ABI2: variants seen among roughly 807,000 people sequenced by gnomAD.
The protein encoded by ABI2 is abelson interactor 2.
In ABI2, 25 loss-of-function variants were observed where a neutral mutation model predicts 59.2. The ratio of observed to expected loss-of-function variants is 0.42; its 90% CI spans 0.31 to 0.59. The LOEUF (loss-of-function observed/expected upper bound fraction) is 0.59, where lower values mean the gene tolerates loss of function less well. Among genes scored for constraint, ABI2 ranks in the 20% least tolerant of loss-of-function variants. The pLI is 0.14. For missense variants in ABI2, 545 were observed against 681.8 expected (o/e 0.80, Z 2.23); for synonymous variants, 213 against 235.5 (o/e 0.90, Z 0.87).
chr2:203,367,097 A>C, intron 2 of ABI2, 53 bp downstream of exon 2: 1 of 1,537,904 alleles, frequency 6.5e-7, no homozygotes. Context: ...AATAATAAAC[A>C]CAGGCTATCT....
At position 203,402,715 on chromosome 2, in the gene ABI2, T is replaced by A. The variant is rs759751504; in HGVS notation, c.1173T>A (p.Pro391=). ...TSLQNQMNGG[P]FYSQNPVSLA... ...TTCAGAATCAGATGAATGGAGGACCTTTTTATAGCCAGAATCCAGGTTAGT... is the reference window on the plus strand; with the variant it reads ...TTCAGAATCAGATGAATGGAGGACCATTTTATAGCCAGAATCCAGGTTAGT... Residue 391 remains proline, a synonymous_variant, in exon 9 of 12, where the codon CCT becomes CCA. Coordinates refer to ENST00000261018, the MANE Select transcript of ABI2 (RefSeq NM_001375670.1). 6.3e-7 allele frequency: 1 copy of A among 1,593,552 alleles called. No homozygotes were observed. Among genetic ancestry groups the A allele is most frequent in the Admixed American group, 1.8e-5 (1 of 54,748 alleles).
chr2:203,387,240 G>C (rs1162118874), intron 4 of ABI2, among the ~76,000 whole-genome samples: 2 of 152,132 alleles, frequency 1.3e-5, no homozygotes, highest in South Asian at 2.1e-4. Flanking sequence ...CTATGAATTA[G>C]AGATACTTGG....
intron 8 of ABI2, 100 bp downstream of exon 8, chr2:203,397,067 G>C (rs907856941): frequency 1.6e-6 from 2 of 1,263,722 alleles, no homozygotes; most frequent in African/African-American, 3.1e-5. Context: ...GTTGTACTTC[G>C]TATTAAAAAA....
intron 1 of ABI2, among the ~76,000 whole-genome samples, chr2:203,352,131 C>T (rs1240948540): frequency 6.6e-6 from 1 of 152,166 alleles, no homozygotes; most frequent in East Asian, 1.9e-4. Flanking sequence ...CACTGTGGTA[C>T]TGGCATACAG....
At chr2:203,347,509 A>G (rs947025770) in intron 1 of ABI2, among the ~76,000 whole-genome samples, 1 of 152,216 alleles carries the variant, frequency 6.6e-6, no homozygotes, top group Non-Finnish European at 1.5e-5. Flanking sequence ...CACCCAAGGA[A>G]AATGTGCAGT....
rs762846357 is a variant in ABI2, at chr2:203,416,993, C to T, written c.1365C>T (p.Tyr455=). 1.9e-5 allele frequency: 30 copies of T among 1,613,924 alleles called. No homozygotes were observed. Among genetic ancestry groups the T allele is most frequent in the Admixed American group, 5.0e-5 (3 of 59,996 alleles). Reference sequence around the variant, plus strand: ...CACCTCCTCCTCCTCCAGAAGATTACGAAGAGGAGGAAGCTGCTGTGGTTG... The same window carrying T: ...CACCTCCTCCTCCTCCAGAAGATTATGAAGAGGAGGAAGCTGCTGTGGTTG... ...SPPPPPPPED[Y]EEEEAAVVEY... The change falls in exon 11 of 12, where the codon TAC becomes TAT. Residue 455 remains tyrosine, a synonymous_variant. Transcript: ENST00000261018.
At position 203,431,044 on chromosome 2, in the gene ABI2, G is replaced by C. The variant is rs2098479590; in HGVS notation, c.*3692G>C. The C allele has an allele frequency of 6.6e-6, 1 of 152,182 alleles. No homozygotes were observed. The highest frequency in any genetic ancestry group is 1.5e-5 in the Non-Finnish European group (1 of 68,028). The allele number at this position is 152,182 out of a possible 1,614,324, so 9.4% of individuals were successfully genotyped here. ...TCACCTTTGCCTTTGAAAAAGGTTT[G>C]ATGGAGGAATTCACAGGTGACTGAC... On this transcript the variant is annotated 3_prime_UTR_variant, in exon 12 of 12. Coordinates refer to ENST00000261018, the MANE Select transcript of ABI2 (RefSeq NM_001375670.1).
At chr2:203,354,604 G>C (rs2090896227) in intron 1 of ABI2, among the ~76,000 whole-genome samples, 1 of 152,094 alleles carries the variant, frequency 6.6e-6, no homozygotes, top group South Asian at 2.1e-4. Flanking sequence ...GAGACTTCTG[G>C]GTCAAAGGCG....
chr2:203,396,738 A>C (rs934836476), intron 7 of ABI2, 47 bp from the exon 8 acceptor site: 4 of 1,471,276 alleles, frequency 2.7e-6, no homozygotes, highest in East Asian at 2.6e-5. Context: ...ATCCTGCCTC[A>C]TGTGATTGCC....
chr2:203,350,661 T>C (rs1053273620), intron 1 of ABI2, among the ~76,000 whole-genome samples: 5 of 151,492 alleles, frequency 3.3e-5, no homozygotes, highest in Non-Finnish European at 4.4e-5. Context: ...TGTCTCAGCC[T>C]CCCAAGTAGC....
In ABI2 at chr2:203,411,334, A is replaced by G; in HGVS notation, c.1242A>G (p.Leu414=). 6.2e-7 allele frequency: 1 copy of G among 1,613,610 alleles called. No individual in the cohort carries two copies. Among genetic ancestry groups the G allele is most frequent in the Non-Finnish European group, 8.5e-7 (1 of 1,179,748 alleles). The change falls in exon 10 of 12, where the codon TTA becomes TTG. Residue 414 remains leucine (L), a synonymous_variant. Transcript: ENST00000261018. The stretch of plus-strand genomic sequence containing the variant: ...CCATCCTACAGGTAACTCCTCAGTT[A>G]CCTTTAATGGGATTTGTGGCCAGAG... ...PPSILQVTPQ[L]PLMGFVARVQ...
chr2:203,424,912 C>T (rs537279726), intron 11 of ABI2, among the ~76,000 whole-genome samples: 4 of 152,000 alleles, frequency 2.6e-5, no homozygotes, highest in African/African-American at 9.7e-5. Flanking sequence ...CACTCTGTTA[C>T]CCAGGCTAGA....
Position 203,368,984 on chromosome 2 carries a change from A to AATT in ABI2, c.285+1940_285+1941insATT, listed in dbSNP as rs1312712237. Among the ~76,000 whole-genome samples, 87 of 91,084 alleles carry AATT rather than the reference A, an allele frequency of 9.6e-4. 33 individuals are homozygous for AATT. The highest frequency in any genetic ancestry group is 2.4e-3 in the African/African-American group (53 of 22,464). 59.8% of individuals were successfully genotyped at this position (91,084 alleles called of 152,430 possible). ...TACAGGCACGTGCCATGCTTGGCTG[A>AATT]TTTTTTTTTTTTTTTTTTTTTTTTT... On this transcript the variant is annotated intron_variant, in intron 2 of 11. Transcript: ENST00000261018.
intron 5 of ABI2, among the ~76,000 whole-genome samples, chr2:203,394,072 T>TTGAA (rs1391925518): frequency 6.6e-6 from 1 of 152,182 alleles, no homozygotes; most frequent in African/African-American, 2.4e-5. Context: ...TTTGTAAATG[T>TTGAA]TGAACTCTGA....
chr2:203,388,881 T>A (rs2096635138), intron 4 of ABI2, among the ~76,000 whole-genome samples: 1 of 152,162 alleles, frequency 6.6e-6, no homozygotes, highest in African/African-American at 2.4e-5. Flanking sequence ...AGCTATCCCA[T>A]GTATAGAATA....
chr2:203,370,133 T>C (rs935809813), intron 2 of ABI2, among the ~76,000 whole-genome samples: 1 of 152,028 alleles, frequency 6.6e-6, no homozygotes, highest in African/African-American at 2.4e-5. Context: ...TTGTGGGCCA[T>C]GTGTTGATAA....
chr2:203,370,584 G>C (rs2095072516), intron 2 of ABI2, among the ~76,000 whole-genome samples: 1 of 152,206 alleles, frequency 6.6e-6, no homozygotes, highest in Non-Finnish European at 1.5e-5. Context: ...GCCAGCCCCT[G>C]CTCTAAAATA....
intron 1 of ABI2, among the ~76,000 whole-genome samples, chr2:203,360,037 T>C (rs1302451498): frequency 1.3e-5 from 2 of 151,740 alleles, no homozygotes; most frequent in African/African-American, 2.4e-5. Context: ...GTACAGAAAT[T>C]AGCTGGGCGT....
intron 5 of ABI2, chr2:203,394,496 G>A: frequency 3.6e-6 from 2 of 551,082 alleles, no homozygotes; most frequent in Non-Finnish European, 6.4e-6. Context: ...AAATGAGGTT[G>A]GAGACTGAAA....
Sources: gnomAD v4.1 joint callset for allele counts (sites outside exome capture counted in the v4.1 genomes callset) on GRCh38, gnomAD v4.1.1 for gene constraint, MANE v1.5 for transcripts, NCBI Gene and HGNC (gene_info 2026-07-23, HGNC 2026-07-21) for gene names.